RPIA: variants seen among roughly 807,000 people sequenced by gnomAD.
RPIA encodes the protein ribose-5-phosphate isomerase.
RPIA carries 29 observed loss-of-function variants against 37.8 expected under a neutral mutation model. That is an observed-to-expected ratio of 0.77 (90% CI 0.57 to 1.05). The LOEUF is 1.05. Among genes scored for constraint, RPIA ranks in the 50% least tolerant of loss-of-function variants. The pLI is 0.00. For missense variants in RPIA, 385 were observed against 413.6 expected, an observed-to-expected ratio of 0.93 and a Z score of 0.60; for synonymous variants, 167 against 157.0, an observed-to-expected ratio of 1.06 and a Z score of -0.48.
intron 4 of RPIA, among the ~76,000 whole-genome samples, chr2:88,733,221 G>A (rs1458026511): frequency 2.0e-5 from 3 of 152,318 alleles, no homozygotes; most frequent in Non-Finnish European, 4.4e-5. Context: ...GACACTGCTC[G>A]GACTGGCTGG....
intron 3 of RPIA, among the ~76,000 whole-genome samples, chr2:88,721,563 ACACACACAC>A (rs1468312651): frequency 2.9e-4 from 18 of 62,360 alleles, no homozygotes; most frequent in African/African-American, 1.2e-3. Flanking sequence ...ACACACACAC[ACACACACAC>A]CCCCCCCCCC....
intron 8 of RPIA, among the ~76,000 whole-genome samples, chr2:88,741,686 A>T (rs1034908021): frequency 2.0e-5 from 3 of 152,220 alleles, no homozygotes; most frequent in African/African-American, 7.2e-5. Context: ...ACTAGTTTAC[A>T]TTCCCACCAG....
chr2:88,736,403 C>A (rs1057466626), intron 6 of RPIA, 132 bp from the exon 7 acceptor site: 26 of 800,762 alleles, frequency 3.2e-5, no homozygotes, highest in Non-Finnish European at 5.1e-5. Context: ...TCATTTGTAG[C>A]CCCATGTATA....
intron 3 of RPIA, among the ~76,000 whole-genome samples, chr2:88,700,286 A>G (rs1302087166): frequency 2.0e-5 from 3 of 152,232 alleles, no homozygotes; most frequent in Non-Finnish European, 4.4e-5. Context: ...GAGTTTAGGC[A>G]CTACGGAGAA....
Position 88,691,708 on chromosome 2 carries a change from C to T in RPIA, c.10C>T (p.Pro4Ser), listed in dbSNP as rs919043990. The T allele has an allele frequency of 3.2e-6, 5 of 1,578,564 alleles. No individual in the cohort carries two copies. The highest frequency in any genetic ancestry group is 1.4e-5 in the African/African-American group (1 of 74,040). Reference protein sequence around the residue: MQRPGPFSTLYGRV... With the variant: MQRSGPFSTLYGRV... ...GGAGCGAGGCGTCGGGATGCAGCGC[C>T]CCGGGCCCTTCAGCACCCTCTACGG... Residue 4 changes from proline to serine, a missense_variant, in exon 1 of 9, where the codon CCC becomes TCC. Pro to Ser is a moderately conservative substitution (Grantham distance 74). Around this residue, in one of 2 missense-constraint regions of RPIA, gnomAD observed 232 missense variants for 203.0 expected, o/e 1.14. Transcript: ENST00000283646.
At chr2:88,729,531 A>G (rs115591937) in intron 4 of RPIA, among the ~76,000 whole-genome samples, 194 bp downstream of exon 4, 1 of 152,282 alleles carries the variant, frequency 6.6e-6, no homozygotes, top group African/African-American at 2.4e-5. Context: ...TTTCCACCAC[A>G]TTCCTTGTGG....
intron 1 of RPIA, among the ~76,000 whole-genome samples, chr2:88,697,297 G>T (rs1672761327): frequency 6.6e-6 from 1 of 152,190 alleles, no homozygotes. Context: ...GGAAATAGTG[G>T]CTCTGTAGGT....
At chr2:88,717,458 C>A (rs1179148703) in intron 3 of RPIA, among the ~76,000 whole-genome samples, 1 of 152,122 alleles carries the variant, frequency 6.6e-6, no homozygotes, top group East Asian at 1.9e-4. Context: ...AGACTTGAAG[C>A]AGGGAGGGAG....
At chr2:88,695,368 A>G (rs908806364) in intron 1 of RPIA, among the ~76,000 whole-genome samples, 2 of 152,216 alleles carry the variant, frequency 1.3e-5, no homozygotes, top group South Asian at 2.1e-4. Context: ...ATCTCCAGGT[A>G]GAGAGTGTTG....
At chr2:88,697,134 C>T (rs1223195704) in intron 1 of RPIA, among the ~76,000 whole-genome samples, 5 of 152,190 alleles carry the variant, frequency 3.3e-5, no homozygotes, top group East Asian at 1.9e-4. Context: ...TCTATACAGT[C>T]GTCATATATC....
In RPIA at chr2:88,691,813, TC is replaced by T; in HGVS notation, c.118del (p.His40ThrfsTer55). ...AGGGAACAGCTGGGACCTCCCGGGTTCCCACGTGCGGCTGCCGGGGCGTGCA... is the reference window on the plus strand; with the variant it reads ...AGGGAACAGCTGGGACCTCCCGGGTTCCACGTGCGGCTGCCGGGGCGTGCA... Reference protein sequence around the residue: ...GGGNSWDLPGSHVRLPGRAQS... With the variant: ...GGGNSWDLPGXHVRLPGRAQS... On this transcript the variant is annotated frameshift_variant, in exon 1 of 9. Coordinates refer to ENST00000283646, the MANE Select transcript of RPIA (RefSeq NM_144563.3). LOFTEE classifies it high-confidence loss of function. 1 of 1,596,700 alleles carries T rather than the reference TC, an allele frequency of 6.3e-7. No individual in the cohort carries two copies. Among genetic ancestry groups the T allele is most frequent in the Non-Finnish European group, 8.5e-7 (1 of 1,173,586 alleles).
intron 3 of RPIA, among the ~76,000 whole-genome samples, chr2:88,706,701 AT>A: frequency 6.7e-6 from 1 of 149,704 alleles, no homozygotes; most frequent in Non-Finnish European, 1.5e-5. Context: ...GGAATTTTAA[AT>A]TAAAAAAAAA....
At chr2:88,721,341 A>G (rs924279142) in intron 3 of RPIA, among the ~76,000 whole-genome samples, 3 of 151,906 alleles carry the variant, frequency 2.0e-5, no homozygotes, top group Admixed American at 6.6e-5. Flanking sequence ...TTCTGCACAT[A>G]TATTCCAGAA....
At chr2:88,717,473 C>T (rs1673050613) in intron 3 of RPIA, among the ~76,000 whole-genome samples, 1 of 152,074 alleles carries the variant, frequency 6.6e-6, no homozygotes, top group African/African-American at 2.4e-5. Context: ...AGGGAGCTTC[C>T]AGGTCATAGG....
Position 88,711,202 on chromosome 2 carries a change from A to G in RPIA, c.402+11138A>G, listed in dbSNP as rs141645232. Among the ~76,000 whole-genome samples, 474 of 152,340 alleles carry G rather than the reference A, an allele frequency of 3.1e-3. 3 individuals carry two copies. Among genetic ancestry groups the G allele is most frequent in the African/African-American group, 0.011 (452 of 41,582 alleles). On this transcript the variant is annotated intron_variant, in intron 3 of 8. Transcript: ENST00000283646. ...GTTGCTCTTATATAGAATGTAAAGGATTGGTGCAGACAAAGGAGTTTTGAA... is the reference window on the plus strand; with the variant it reads ...GTTGCTCTTATATAGAATGTAAAGGGTTGGTGCAGACAAAGGAGTTTTGAA...
chr2:88,729,434 G>C, intron 4 of RPIA, 97 bp downstream of exon 4: 1 of 1,236,824 alleles, frequency 8.1e-7, no homozygotes, highest in Non-Finnish European at 1.2e-6. Flanking sequence ...GTAAAATCTA[G>C]GGAAGATGTC....
intron 3 of RPIA, among the ~76,000 whole-genome samples, chr2:88,718,582 C>T (rs1673065102): frequency 6.6e-6 from 1 of 152,156 alleles, no homozygotes; most frequent in Non-Finnish European, 1.5e-5. Context: ...ACAGGGACTG[C>T]ATAGACAAAG....
chr2:88,706,537 A>G (rs1217278517), intron 3 of RPIA, among the ~76,000 whole-genome samples: 2 of 145,830 alleles, frequency 1.4e-5, no homozygotes, highest in Admixed American at 7.0e-5. Context: ...GGAACAACAC[A>G]TACTGGGGCC....
chr2:88,745,539 T>G (rs1192151625), intron 8 of RPIA, among the ~76,000 whole-genome samples: 1 of 152,232 alleles, frequency 6.6e-6, no homozygotes, highest in African/African-American at 2.4e-5. Context: ...TTTATGAAGC[T>G]TAGTTTTGCT....
Sources: gnomAD v4.1 joint callset for allele counts (sites outside exome capture counted in the v4.1 genomes callset) on GRCh38, gnomAD v4.1.1 for gene constraint, gnomAD v4.1.1 regional missense constraint, MANE v1.5 for transcripts, NCBI Gene and HGNC (gene_info 2026-07-23, HGNC 2026-07-21) for gene names.